Variants in PKP1 observed in about 807,000 individuals in gnomAD.
The protein encoded by PKP1 is plakophilin 1.
A neutral mutation model predicts 76.4 loss-of-function variants in PKP1; 27 were observed. The ratio of observed to expected loss-of-function variants is 0.35; its 90% CI spans 0.26 to 0.49. PKP1 has a LOEUF of 0.49. PKP1 is among the 20% of genes least tolerant of loss of function. PKP1 has a pLI of 0.99. For missense variants in PKP1, 964 were observed against 955.2 expected (o/e 1.01, Z -0.12); for synonymous variants, 404 against 384.2 (o/e 1.05, Z -0.60).
At chr1:201,290,399 C>T (rs1188202051) in intron 1 of PKP1, among the ~76,000 whole-genome samples, 1 of 151,618 alleles carries the variant, frequency 6.6e-6, no homozygotes, top group Non-Finnish European at 1.5e-5. Flanking sequence ...GCTGCATGCA[C>T]CCATATGGGG....
In PKP1 at chr1:201,317,739, G is replaced by A. The variant is rs886045811; in HGVS notation, c.1014G>A (p.Leu338=). 12 of 1,613,762 alleles carry A rather than the reference G, an allele frequency of 7.4e-6. No homozygotes were observed. Among genetic ancestry groups the A allele is most frequent in the South Asian group, 2.2e-5 (2 of 91,054 alleles). Reference sequence around the variant, plus strand: ...GGATCCGCGAGGCAGTCAGCCTCCTGAGGAGAACCGGGAACGCCGAGATCC... The same window carrying A: ...GGATCCGCGAGGCAGTCAGCCTCCTAAGGAGAACCGGGAACGCCGAGATCC... ...QNGIREAVSL[L]RRTGNAEIQK... The change falls in exon 5 of 14, where the codon CTG becomes CTA. Residue 338 remains leucine, a synonymous_variant. Coordinates refer to ENST00000367324, the MANE Select transcript of PKP1 (RefSeq NM_001005337.3).
intron 1 of PKP1, among the ~76,000 whole-genome samples, chr1:201,293,449 T>A (rs1655984993): frequency 6.6e-6 from 1 of 152,166 alleles, no homozygotes; most frequent in Non-Finnish European, 1.5e-5. Context: ...GGAAGTTTGG[T>A]CACTGGTAGG....
intron 3 of PKP1, among the ~76,000 whole-genome samples, chr1:201,314,278 T>C (rs1033443642): frequency 3.3e-5 from 5 of 152,176 alleles, no homozygotes; most frequent in South Asian, 2.1e-4. Context: ...CTGAACAACA[T>C]GATGAAACCT....
Position 201,283,634 on chromosome 1 carries a change from T to G in PKP1, c.-69T>G. The G allele has an allele frequency of 1.4e-6, 2 of 1,382,574 alleles. No individual in the cohort carries two copies. The highest frequency in any genetic ancestry group is 2.0e-6 in the Non-Finnish European group (2 of 987,990). The allele number at this position is 1,382,574 out of a possible 1,614,324, so 85.6% of individuals were successfully genotyped here. A position where few individuals can be genotyped will look rare whatever the true frequency, so the allele number is the denominator to read the frequency against. On this transcript the variant is annotated 5_prime_UTR_variant, in exon 1 of 14. Coordinates refer to ENST00000367324, the MANE Select transcript of PKP1 (RefSeq NM_001005337.3). ...GAAGAGCACGCTCCTGCCCGCCCGCTGCACCGCACCTCGCCTCGCCTCTCT... is the reference window on the plus strand; with the variant it reads ...GAAGAGCACGCTCCTGCCCGCCCGCGGCACCGCACCTCGCCTCGCCTCTCT...
At chr1:201,320,001 C>T (rs1656887618) in intron 6 of PKP1, 1 of 1,055,484 alleles carries the variant, frequency 9.5e-7, no homozygotes, top group South Asian at 1.3e-5. Context: ...ATTTCAGCCT[C>T]AGCCAGGGCC....
intron 1 of PKP1, among the ~76,000 whole-genome samples, chr1:201,288,428 CA>C (rs1655801033): frequency 6.6e-6 from 1 of 152,156 alleles, no homozygotes. Flanking sequence ...AAATTTCAAA[CA>C]ACACAAATGC....
chr1:201,303,351 C>T (rs528464428), intron 2 of PKP1, among the ~76,000 whole-genome samples: 1 of 152,188 alleles, frequency 6.6e-6, no homozygotes, highest in African/African-American at 2.4e-5. Flanking sequence ...TGGTCTTGAA[C>T]TCCTGGGTTC....
chr1:201,292,713 G>C (rs781410817), intron 1 of PKP1, among the ~76,000 whole-genome samples: 2 of 152,182 alleles, frequency 1.3e-5, no homozygotes, highest in Non-Finnish European at 2.9e-5. Flanking sequence ...CCACAGACAG[G>C]GTTTCCGATG....
Position 201,318,727 on chromosome 1 carries a change from T to A in PKP1, c.1164T>A (p.Asp388Glu). The A allele has an allele frequency of 6.2e-7, 1 of 1,612,116 alleles. No individual in the cohort carries two copies. The highest frequency in any genetic ancestry group is 2.2e-5 in the East Asian group (1 of 44,886). ...TCATTCCCTTCTCTGGCTGGTGCGA[T>A]GGCAATAGCAACATGTCCCGGGAAG... ...RVIIPFSGWC[D>E]GNSNMSREVV... Residue 388 changes from aspartate to glutamate, a missense_variant, in exon 6 of 14, where the codon GAT becomes GAA. Asp to Glu is a conservative substitution (Grantham distance 45). Transcript: ENST00000367324.
rs1352645485 is a variant in PKP1, at chr1:201,318,681, C to G, written c.1118C>G (p.Pro373Arg). 1 of 1,612,400 alleles carries G rather than the reference C, an allele frequency of 6.2e-7. No homozygotes were observed. The highest frequency in any genetic ancestry group is 8.5e-7 in the Non-Finnish European group (1 of 1,179,930). Reference protein sequence around the residue: ...LKEELIADALPVLADRVIIPF... With the variant: ...LKEELIADALRVLADRVIIPF... ...GAGGAACTCATTGCCGACGCCCTGC[C>G]TGTTCTGGCCGACCGCGTCATCATT... Residue 373 changes from proline to arginine, a missense_variant, in exon 6 of 14, where the codon CCT becomes CGT. By Grantham distance (103) the Pro-to-Arg change is moderately radical. Coordinates refer to ENST00000367324, the MANE Select transcript of PKP1 (RefSeq NM_001005337.3).
At chr1:201,319,146 G>A (rs1299392970) in intron 6 of PKP1, among the ~76,000 whole-genome samples, 2 of 152,084 alleles carry the variant, frequency 1.3e-5, no homozygotes, top group African/African-American at 2.4e-5. Flanking sequence ...TGTTCTTTTA[G>A]ACAAAAGTCT....
At chr1:201,301,285 A>G (rs1204048993) in intron 2 of PKP1, among the ~76,000 whole-genome samples, 1 of 152,208 alleles carries the variant, frequency 6.6e-6, no homozygotes, top group African/African-American at 2.4e-5. Context: ...GCAAGTGGGG[A>G]GCACCAAGCT....
At chr1:201,290,558 C>G (rs576595086) in intron 1 of PKP1, among the ~76,000 whole-genome samples, 1 of 152,192 alleles carries the variant, frequency 6.6e-6, no homozygotes, top group Non-Finnish European at 1.5e-5. Flanking sequence ...CAGCCCTCCT[C>G]TCTTCCTGGT....
At position 201,318,763 on chromosome 1, in the gene PKP1, T is replaced by C. The variant is rs375406840; in HGVS notation, c.1200T>C (p.Pro400=). The C allele has an allele frequency of 4.0e-5, 64 of 1,609,410 alleles. No homozygotes were observed. The highest frequency in any genetic ancestry group is 5.3e-5 in the Non-Finnish European group (62 of 1,178,686). ...NSNMSREVVD[P]EVFFNATGCL... ...ACATGTCCCGGGAAGTGGTGGACCC[T>C]GAGGTCTTCTTCAATGCCACAGGCT... is the stretch of plus-strand genomic sequence containing the variant. Residue 400 remains proline (P), a synonymous_variant, in exon 6 of 14, where the codon CCT becomes CCC. Transcript: ENST00000367324.
intron 2 of PKP1, among the ~76,000 whole-genome samples, chr1:201,297,846 A>G (rs1656119765): frequency 6.6e-6 from 1 of 152,160 alleles, no homozygotes; most frequent in African/African-American, 2.4e-5. Context: ...GGCAGGAGAG[A>G]AGCTCTGTTT....
Position 201,283,618 on chromosome 1 carries a change from G to T in PKP1, c.-85G>T, listed in dbSNP as rs1013520729. 3.2e-5 allele frequency: 39 copies of T among 1,204,942 alleles called. No homozygotes were observed. The highest frequency in any genetic ancestry group is 4.6e-5 in the Non-Finnish European group (38 of 834,074). 74.6% of individuals were successfully genotyped at this position (1,204,942 alleles called of 1,614,324 possible). ...GAGCCGCTGAGAGCGAGAAGAGCAC[G>T]CTCCTGCCCGCCCGCTGCACCGCAC... is the stretch of plus-strand genomic sequence containing the variant. On this transcript the variant is annotated 5_prime_UTR_variant, in exon 1 of 14. Transcript: ENST00000367324.
At chr1:201,284,040 A>G (rs1655653561) in intron 1 of PKP1, 136 bp downstream of exon 1, 1 of 820,704 alleles carries the variant, frequency 1.2e-6, no homozygotes, top group South Asian at 1.5e-5. Flanking sequence ...GGGTCTACGC[A>G]CCTAGTGCGA....
chr1:201,326,957 T>C (rs1657143466), intron 12 of PKP1, among the ~76,000 whole-genome samples: 1 of 152,162 alleles, frequency 6.6e-6, no homozygotes, highest in Admixed American at 6.5e-5. Context: ...AGGGCAGCAG[T>C]TCCCAGGGCT....
rs142131454 is a variant in PKP1, at chr1:201,316,630, A to T, written c.779A>T (p.Lys260Met). Residue 260 changes from lysine (K) to methionine (M), a missense_variant, in exon 4 of 14, where the codon AAG becomes ATG. Transcript: ENST00000367324. The part of the protein sequence containing the change: ...AVQYLSSQDE[K>M]YQAIGAYYIQ... ...CAGTACCTGAGCTCCCAGGATGAGA[A>T]GTACCAGGCCATTGGGGCCTATTAC... is the stretch of plus-strand genomic sequence containing the variant. 664 of 1,613,620 alleles carry T rather than the reference A, an allele frequency of 4.1e-4. No homozygotes were observed. The highest frequency in any genetic ancestry group is 5.4e-4 in the Non-Finnish European group (639 of 1,179,834).
Sources: allele counts gnomAD v4.1 joint callset (sites outside exome capture counted in the v4.1 genomes callset), GRCh38; gene constraint gnomAD v4.1.1; transcripts MANE v1.5; gene names NCBI Gene and HGNC (gene_info 2026-07-23, HGNC 2026-07-21).